Variants in GLMN observed in about 807,000 individuals in gnomAD.
GLMN encodes glomulin, FKBP associated protein, also known as glomulin.
In GLMN, 75 loss-of-function variants were observed where a neutral mutation model predicts 87.8. The observed-to-expected ratio is 0.85, with a 90% CI of 0.71 to 1.04. The LOEUF (loss-of-function observed/expected upper bound fraction) is 1.04, where lower values mean the gene tolerates loss of function less well. Ranked by LOEUF, GLMN falls within the 50% of genes least tolerant of loss-of-function variation. GLMN has a pLI of 0.00. For synonymous variants in GLMN, 206 were observed against 221.6 expected (o/e 0.93, Z 0.63); for missense variants, 588 against 658.8 (o/e 0.89, Z 1.18).
chr1:92,325,982 T>G, the GLMN span, among the ~76,000 whole-genome samples: 3 of 152,156 alleles, frequency 2.0e-5, no homozygotes, highest in Non-Finnish European at 2.9e-5. Context: ...ATGAACAATA[T>G]TCTTAGGAAC....
At chr1:92,366,596 T>G in the GLMN span, among the ~76,000 whole-genome samples, 1 of 152,282 alleles carries the variant, frequency 6.6e-6, no homozygotes, top group South Asian at 2.1e-4. Flanking sequence ...CTAATGGAGT[T>G]GAATCTTCTG....
intron 14 of GLMN, among the ~76,000 whole-genome samples, 165 bp downstream of exon 14, chr1:92,264,387 CAG>C (rs778475944): frequency 2.6e-5 from 4 of 151,250 alleles, no homozygotes; most frequent in African/African-American, 4.9e-5. Context: ...TTTCCAAATT[CAG>C]AGTTTTTAAA....
chr1:92,343,977 C>A, the GLMN span, among the ~76,000 whole-genome samples: 1 of 152,166 alleles, frequency 6.6e-6, no homozygotes, highest in Non-Finnish European at 1.5e-5. Flanking sequence ...CCCCTTTGTT[C>A]CCTTTCCCAA....
At chr1:92,352,004 A>G in the GLMN span, among the ~76,000 whole-genome samples, 1 of 152,040 alleles carries the variant, frequency 6.6e-6, no homozygotes, top group Non-Finnish European at 1.5e-5. Context: ...GGAGATGAGT[A>G]CTTTGTATTA....
chr1:92,356,594 T>TG, the GLMN span, among the ~76,000 whole-genome samples: 3 of 150,486 alleles, frequency 2.0e-5, no homozygotes, highest in Non-Finnish European at 3.0e-5. Flanking sequence ...AATTTTTTTT[T>TG]TTTTTTTTTT....
At chr1:92,271,708 C>A in intron 7 of GLMN, 56 bp from the exon 8 acceptor site, 4 of 1,186,930 alleles carry the variant, frequency 3.4e-6, no homozygotes, top group South Asian at 2.4e-5. Flanking sequence ...ATGCCCCCCA[C>A]CCCGTGTATT....
chr1:92,338,083 T>C, the GLMN span, among the ~76,000 whole-genome samples: 2 of 152,206 alleles, frequency 1.3e-5, no homozygotes, highest in Non-Finnish European at 2.9e-5. Context: ...TTCACAGGCA[T>C]CATTAATTAT....
chr1:92,247,990 C>A lies in GLMN; in HGVS notation c.1474-1G>T. 3 of 1,121,336 alleles carry A rather than the reference C, an allele frequency of 2.7e-6. No individual in the cohort carries two copies. In the South Asian group the frequency reaches 3.7e-5, roughly 14 times the overall value. 69.5% of individuals were successfully genotyped at this position (1,121,336 alleles called of 1,614,324 possible). Reference sequence around the variant, plus strand: ...TTCCAAGTTCTGTCCATAATCCAGTCTGTTAAGAATGAAAGAATGAGTTAT... The same window carrying A: ...TTCCAAGTTCTGTCCATAATCCAGTATGTTAAGAATGAAAGAATGAGTTAT... On this transcript the variant is annotated splice_acceptor_variant, in intron 16 of 18. Transcript: ENST00000370360. LOFTEE classifies it high-confidence loss of function.
the GLMN span, among the ~76,000 whole-genome samples, chr1:92,308,691 G>C: frequency 3.3e-5 from 5 of 152,310 alleles, no homozygotes; most frequent in East Asian, 9.6e-4. Context: ...CTGGTGTAGT[G>C]GCTCATGCCT....
At chr1:92,259,053 TG>T (rs749958848) in intron 16 of GLMN, among the ~76,000 whole-genome samples, 9 of 152,216 alleles carry the variant, frequency 5.9e-5, no homozygotes, top group Non-Finnish European at 7.3e-5. Context: ...TATTTACCTG[TG>T]GCCTTTGCCA....
In GLMN at chr1:92,246,597, G is replaced by C. The variant is rs537658508; in HGVS notation, c.1718C>G (p.Ala573Gly). The C allele has an allele frequency of 1.3e-6, 2 of 1,598,544 alleles. No individual in the cohort carries two copies. The highest frequency in any genetic ancestry group is 1.7e-6 in the Non-Finnish European group (2 of 1,165,974). Residue 573 changes from alanine to glycine, a missense_variant, in exon 19 of 19, where the codon GCT (alanine) becomes GGT (glycine). Ala to Gly is a moderately conservative substitution (Grantham distance 60). Coordinates refer to ENST00000370360, the MANE Select transcript of GLMN (RefSeq NM_053274.3). ...TATTTCAATGAGTTCTTCCACTCGA[G>C]CTAGAACACTTTCAATCAAATCAAA... Reference protein sequence around the residue: ...FTFDLIESVLARVEELIEIKT... With the variant: ...FTFDLIESVLGRVEELIEIKT...
chr1:92,370,132 G>A, the GLMN span, among the ~76,000 whole-genome samples: 13 of 152,158 alleles, frequency 8.5e-5, no homozygotes, highest in African/African-American at 1.2e-4. Flanking sequence ...TGATCCGCCC[G>A]CATCAGCCTC....
the GLMN span, among the ~76,000 whole-genome samples, chr1:92,365,909 A>G: frequency 6.6e-6 from 1 of 152,164 alleles, no homozygotes; most frequent in South Asian, 2.1e-4. Flanking sequence ...ACATGACCTT[A>G]AGAAAGTCAC....
the GLMN span, among the ~76,000 whole-genome samples, chr1:92,366,396 C>G: frequency 5.3e-5 from 8 of 152,300 alleles, no homozygotes; most frequent in East Asian, 1.5e-3. Flanking sequence ...AAAACAACAT[C>G]AATAACAGCA....
intron 13 of GLMN, among the ~76,000 whole-genome samples, chr1:92,265,891 T>C (rs1377026293): frequency 1.3e-5 from 2 of 152,214 alleles, no homozygotes; most frequent in East Asian, 3.8e-4. Flanking sequence ...CAACAGAGAC[T>C]GTATAGCCCA....
At chr1:92,285,546 T>C (rs778253241) in intron 7 of GLMN, among the ~76,000 whole-genome samples, 1 of 152,204 alleles carries the variant, frequency 6.6e-6, no homozygotes, top group South Asian at 2.1e-4. Flanking sequence ...CAAACCAACA[T>C]GGCACATGTA....
At chr1:92,349,927 AAAT>A in the GLMN span, among the ~76,000 whole-genome samples, 1 of 152,134 alleles carries the variant, frequency 6.6e-6, no homozygotes, top group African/African-American at 2.4e-5. Flanking sequence ...ACCTTATCTC[AAAT>A]AATAATAATA....
rs1444604286 is a variant in GLMN, at chr1:92,263,713, C to T, written c.1319G>A (p.Trp440Ter). ...MSLKRTRNNK[W>*]FTGPQLISLL... ...GGAAATCAACTGTGGTCCTGTAAAC[C>T]ATTTGTTGTTACGTGTTCTCTGAAA... The change falls in exon 15 of 19, where the codon TGG (tryptophan) becomes TAG (stop). Residue 440 changes from tryptophan to a stop codon, truncating the protein, a stop_gained. Coordinates refer to ENST00000370360, the MANE Select transcript of GLMN (RefSeq NM_053274.3). LOFTEE classifies it high-confidence loss of function. 3.8e-6 allele frequency: 6 copies of T among 1,582,202 alleles called. No homozygotes were observed. The highest frequency in any genetic ancestry group is 4.3e-6 in the Non-Finnish European group (5 of 1,150,958).
the GLMN span, among the ~76,000 whole-genome samples, chr1:92,366,595 T>C: frequency 2.0e-5 from 3 of 152,132 alleles, no homozygotes; most frequent in Admixed American, 6.5e-5. Flanking sequence ...ACTAATGGAG[T>C]TGAATCTTCT....
Sources: allele counts gnomAD v4.1 joint callset (sites outside exome capture counted in the v4.1 genomes callset), GRCh38; gene constraint gnomAD v4.1.1; transcripts MANE v1.5; gene names NCBI Gene and HGNC (gene_info 2026-07-23, HGNC 2026-07-21).